Variants in TNN observed in about 807,000 individuals in gnomAD.
The protein encoded by TNN is tenascin-N.
In TNN, 122 loss-of-function variants were observed where a neutral mutation model predicts 134.4. The ratio of observed to expected loss-of-function variants is 0.91; its 90% CI spans 0.78 to 1.06. The LOEUF is 1.06. TNN is among the 50% of genes least tolerant of loss of function. TNN has a pLI of 0.00. For missense variants in TNN, 1,739 were observed against 1,699.4 expected (o/e 1.02, Z -0.41); for synonymous variants, 710 against 670.3 (o/e 1.06, Z -0.91).
intron 6 of TNN, among the ~76,000 whole-genome samples, chr1:175,090,297 T>C (rs550896280): frequency 6.6e-6 from 1 of 152,308 alleles, no homozygotes; most frequent in African/African-American, 2.4e-5. Flanking sequence ...GAGTGCATTT[T>C]CTACAAACGA....
chr1:175,072,980 A>G (rs1371866680), intron 1 of TNN, among the ~76,000 whole-genome samples: 1 of 98,746 alleles, frequency 1.0e-5, no homozygotes, highest in African/African-American at 4.9e-5. Context: ...TCAGAAAACC[A>G]TCTGCACTTC....
rs139321831 is a variant in TNN, at chr1:175,136,820, G to A, written c.3428-1G>A. ...ATTGGAATTCCGTTTTTTATTTTTA[G>A]GACTTGACAAGCTACACAACCTCAC... On this transcript the variant is annotated splice_acceptor_variant, in intron 16 of 18. Coordinates refer to ENST00000239462, the MANE Select transcript of TNN (RefSeq NM_022093.2). LOFTEE classifies it high-confidence loss of function. The A allele has an allele frequency of 1.5e-5, 24 of 1,611,972 alleles. No homozygotes were observed. The African/African-American group carries it at 3.1e-4, about 21-fold the overall frequency.
Position 175,104,799 on chromosome 1 carries a change from G to C in TNN, c.2119+6204G>C, listed in dbSNP as rs1044592126. On this transcript the variant is annotated intron_variant, in intron 9 of 18. Transcript: ENST00000239462. ...ATCAATTGACCCTCGAGTGATTCGG[G>C]TGACAGGGGAGTATATTTTCTTAAG... 2.7e-5 allele frequency among the ~76,000 whole-genome samples: 4 copies of C among 145,972 alleles called. 1 individual carries two copies. The highest frequency in any genetic ancestry group is 4.6e-5 in the Non-Finnish European group (3 of 65,808).
chr1:175,121,961 G>A (rs751875107), intron 11 of TNN, among the ~76,000 whole-genome samples: 2 of 152,170 alleles, frequency 1.3e-5, no homozygotes, highest in South Asian at 2.1e-4. Flanking sequence ...GCCAGGCACC[G>A]TGGTGGAGAT....
intron 6 of TNN, among the ~76,000 whole-genome samples, chr1:175,092,147 A>G (rs746437639): frequency 1.2e-4 from 18 of 152,108 alleles, no homozygotes; most frequent in Non-Finnish European, 7.4e-5. Context: ...CTTTGTCACT[A>G]ATTTCCCCAG....
chr1:175,134,879 G>A (rs1675758230), intron 15 of TNN, among the ~76,000 whole-genome samples: 1 of 152,128 alleles, frequency 6.6e-6, no homozygotes, highest in Non-Finnish European at 1.5e-5. Flanking sequence ...TACACTACAA[G>A]CTAGAGACGA....
chr1:175,108,721 C>T (rs374859838), intron 9 of TNN, among the ~76,000 whole-genome samples: 9 of 152,268 alleles, frequency 5.9e-5, no homozygotes, highest in Non-Finnish European at 7.4e-5. Flanking sequence ...CCTCACTGCC[C>T]GGGGCCAGCA....
chr1:175,127,990 AAACT>A, intron 13 of TNN, 38 bp from the exon 14 acceptor site: 1 of 1,613,228 alleles, frequency 6.2e-7, no homozygotes, highest in African/African-American at 1.3e-5. Context: ...AGTGGGTGAT[AAACT>A]GAGTCACTGG....
chr1:175,124,541 TG>T (rs1469291189), intron 12 of TNN, among the ~76,000 whole-genome samples: 1 of 151,754 alleles, frequency 6.6e-6, no homozygotes, highest in Non-Finnish European at 1.5e-5. Context: ...ATTAGCTGGG[TG>T]TGGTGGCAGG....
In TNN at chr1:175,098,412, G is replaced by A. The variant is rs200671106; in HGVS notation, c.1936G>A (p.Ala646Thr). The A allele has an allele frequency of 2.1e-4, 332 of 1,614,118 alleles. No homozygotes were observed. Among genetic ancestry groups the A allele is most frequent in the Non-Finnish European group, 2.5e-4 (300 of 1,180,002 alleles). ...GGTCTCCTGGGACCCGGTGCAGGCC[G>A]CCATTGACAAGTACGTGGTGCGCTA... ...ATVSWDPVQAAIDKYVVRYTS... is the reference protein window; with the variant it reads ...ATVSWDPVQATIDKYVVRYTS... The change falls in exon 9 of 19, where the codon GCC becomes ACC. Residue 646 changes from alanine to threonine, a missense_variant. Ala to Thr is a moderately conservative substitution (Grantham distance 58). Coordinates refer to ENST00000239462, the MANE Select transcript of TNN (RefSeq NM_022093.2).
chr1:175,139,778 C>G (rs1193007410), intron 17 of TNN, among the ~76,000 whole-genome samples: 1 of 152,168 alleles, frequency 6.6e-6, no homozygotes, highest in African/African-American at 2.4e-5. Context: ...TTGTTTACAC[C>G]AAATCACCAC....
chr1:175,113,610 C>A (rs1380673680), intron 9 of TNN, among the ~76,000 whole-genome samples: 1 of 152,150 alleles, frequency 6.6e-6, no homozygotes, highest in East Asian at 1.9e-4. Flanking sequence ...TCTCCCCAGA[C>A]TTGGGACATT....
intron 11 of TNN, 36 bp downstream of exon 11, chr1:175,118,860 T>C (rs1296182717): frequency 3.7e-6 from 6 of 1,608,666 alleles, no homozygotes; most frequent in Non-Finnish European, 5.1e-6. Context: ...ACCCGGGTAG[T>C]AGCTGCAGGT....
chr1:175,088,195 G>T (rs55808408), intron 6 of TNN, among the ~76,000 whole-genome samples: 23,650 of 152,104 alleles, frequency 0.16, 1,967 homozygotes, highest in Non-Finnish European at 0.19. Flanking sequence ...CCCTTGTTAG[G>T]GGGGTGGGTA....
chr1:175,128,659 T>C lies in TNN; in HGVS notation c.3243T>C (p.Ser1081=). The change falls in exon 15 of 19, where the codon AGT becomes AGC. Residue 1081 remains serine, a synonymous_variant. Transcript: ENST00000239462. ...TTCAGCAGAACAGCAATGCCGCCAG[T>C]GGTCTGTACACCATCTACCTGCATG... ...SQVQQNSNAA[S]GLYTIYLHGD... is the part of the protein sequence containing the mutation. 3 of 1,614,046 alleles carry C rather than the reference T, an allele frequency of 1.9e-6. No individual in the cohort carries two copies. Among genetic ancestry groups the C allele is most frequent in the Non-Finnish European group, 2.5e-6 (3 of 1,179,966 alleles).
At chr1:175,119,904 C>T (rs996070131) in intron 11 of TNN, among the ~76,000 whole-genome samples, 1 of 152,154 alleles carries the variant, frequency 6.6e-6, no homozygotes. Context: ...TCCCAAAGTG[C>T]TGGGATTACA....
chr1:175,108,591 G>A (rs542410881), intron 9 of TNN, among the ~76,000 whole-genome samples: 3 of 152,370 alleles, frequency 2.0e-5, no homozygotes, highest in African/African-American at 7.2e-5. Context: ...TGCAGGTCTC[G>A]AGCCCTGCCC....
intron 15 of TNN, among the ~76,000 whole-genome samples, chr1:175,135,637 T>A (rs903004818): frequency 6.6e-6 from 1 of 152,252 alleles, no homozygotes; most frequent in African/African-American, 2.4e-5. Flanking sequence ...TTGCTCTACA[T>A]GTCTTAGTAC....
intron 7 of TNN, among the ~76,000 whole-genome samples, chr1:175,094,960 A>G (rs1674537495): frequency 6.6e-6 from 1 of 152,148 alleles, no homozygotes; most frequent in Admixed American, 6.5e-5. Context: ...GAGTATAGAG[A>G]CTCTCAGAGA....
Sources: allele counts gnomAD v4.1 joint callset (sites outside exome capture counted in the v4.1 genomes callset), GRCh38; gene constraint gnomAD v4.1.1; transcripts MANE v1.5; gene names NCBI Gene and HGNC (gene_info 2026-07-23, HGNC 2026-07-21).